Variants in MSI2 observed in about 807,000 individuals in gnomAD.
MSI2 encodes the protein musashi RNA binding protein 2.
In MSI2, 17 loss-of-function variants were observed where a neutral mutation model predicts 45.6. That is an observed-to-expected ratio of 0.37 (90% CI 0.26 to 0.56). The LOEUF is 0.56. Ranked by LOEUF, MSI2 falls within the 20% of genes least tolerant of loss-of-function variation. The pLI is 0.77. For synonymous variants in MSI2, 156 were observed against 158.2 expected (o/e 0.99, Z 0.11); for missense variants, 293 against 444.2 (o/e 0.66, Z 3.06).
At chr17:57,364,906 T>C (rs1228431162) in intron 5 of MSI2, 2 of 152,090 alleles carry the variant, frequency 1.3e-5, no homozygotes, top group African/African-American at 2.4e-5. Flanking sequence ...ATTTTTTTTT[T>C]CTTTTTCCTT....
At chr17:57,417,688 C>T (rs9892749) in intron 6 of MSI2, among the ~76,000 whole-genome samples, 22,769 of 152,102 alleles carry the variant, frequency 0.15, 2,210 homozygotes, top group African/African-American at 0.27. Context: ...TCATTATTGC[C>T]TCCCGGATGT....
At chr17:57,427,047 T>C (rs2084505980) in intron 6 of MSI2, among the ~76,000 whole-genome samples, 1 of 152,246 alleles carries the variant, frequency 6.6e-6, no homozygotes, top group South Asian at 2.1e-4. Context: ...GTTGAATTGC[T>C]TCGAAGGTTT....
chr17:57,295,911 C>G (rs577045558), intron 5 of MSI2, among the ~76,000 whole-genome samples: 1 of 146,058 alleles, frequency 6.8e-6, no homozygotes, highest in Non-Finnish European at 1.5e-5. Context: ...TTTCTTTGAA[C>G]TGGTCTTTCT....
At position 57,416,646 on chromosome 17, in the gene MSI2, C is replaced by CT. The variant is rs563155466; in HGVS notation, c.405+15180dup. ...AAGAGCGTCTCAGTTTGTTGTTGCC[C>CT]TTTTTGGGGGTGCTTATGCTGGTTT... On this transcript the variant is annotated intron_variant, in intron 6 of 13. Transcript: ENST00000284073. Among the ~76,000 whole-genome samples, 1,187 of 152,224 alleles carry CT rather than the reference C, an allele frequency of 7.8e-3. 7 individuals carry two copies. Among genetic ancestry groups the CT allele is most frequent in the Non-Finnish European group, 0.012 (849 of 68,020 alleles).
intron 5 of MSI2, among the ~76,000 whole-genome samples, chr17:57,361,606 C>CAAAAA (rs34432170): frequency 1.4e-5 from 1 of 71,774 alleles, no homozygotes; most frequent in African/African-American, 4.5e-5. Context: ...GACCTTGTCT[C>CAAAAA]AAAAAAAAAA....
chr17:57,609,463 C>G (rs1478535671), intron 8 of MSI2, among the ~76,000 whole-genome samples: 1 of 152,222 alleles, frequency 6.6e-6, no homozygotes, highest in Non-Finnish European at 1.5e-5. Flanking sequence ...TCAGACACGA[C>G]CTGTTTGGAG....
intron 5 of MSI2, among the ~76,000 whole-genome samples, chr17:57,343,082 G>A (rs1915306208): frequency 1.2e-4 from 19 of 152,190 alleles, no homozygotes; most frequent in Admixed American, 1.2e-3. Context: ...GGGTCATGAT[G>A]ACTTCTCTCA....
At chr17:57,489,067 C>T (rs1027814549) in intron 6 of MSI2, among the ~76,000 whole-genome samples, 1 of 152,140 alleles carries the variant, frequency 6.6e-6, no homozygotes, top group Non-Finnish European at 1.5e-5. Context: ...TCATCAGAGT[C>T]ATTAAGGGTC....
Position 57,256,797 on chromosome 17 carries a change from G to C in MSI2, c.55G>C (p.Asp19His). Residue 19 changes from aspartate to histidine, a missense_variant, in exon 1 of 14, where the codon GAC becomes CAC. Transcript: ENST00000284073. ...TSGSANDSQHDPGKMFIGGLS... is the reference protein window; with the variant it reads ...TSGSANDSQHHPGKMFIGGLS... Reference sequence around the variant, plus strand: ...GGGCAGCGCCAACGACTCCCAGCACGACCCCGGGTAAGTTTCCAGCCGCTG... The same window carrying C: ...GGGCAGCGCCAACGACTCCCAGCACCACCCCGGGTAAGTTTCCAGCCGCTG... 1 of 1,474,040 alleles carries C rather than the reference G, an allele frequency of 6.8e-7. No individual in the cohort carries two copies. The highest frequency in any genetic ancestry group is 9.0e-7 in the Non-Finnish European group (1 of 1,114,598). 91.3% of individuals were successfully genotyped at this position (1,474,040 alleles called of 1,614,324 possible). A position where few individuals can be genotyped will look rare whatever the true frequency, so the allele number is the denominator to read the frequency against.
At chr17:57,272,448 G>C (rs757497388) in intron 5 of MSI2, among the ~76,000 whole-genome samples, 1 of 152,128 alleles carries the variant, frequency 6.6e-6, no homozygotes, top group Non-Finnish European at 1.5e-5. Context: ...TCCAGGGAGA[G>C]GGGAAAAGAA....
chr17:57,549,437 G>A (rs2087253607), intron 7 of MSI2, among the ~76,000 whole-genome samples: 1 of 151,284 alleles, frequency 6.6e-6, no homozygotes, highest in African/African-American at 2.4e-5. Context: ...TTCCATTTCC[G>A]GTAGTTGCTC....
At chr17:57,466,778 T>C (rs1187035426) in intron 6 of MSI2, among the ~76,000 whole-genome samples, 1 of 58,140 alleles carries the variant, frequency 1.7e-5, no homozygotes, top group Non-Finnish European at 3.7e-5. Context: ...CATCCCCTCT[T>C]TTCTTTATTG....
intron 5 of MSI2, among the ~76,000 whole-genome samples, chr17:57,329,405 A>G (rs1914071207): frequency 6.6e-6 from 1 of 152,222 alleles, no homozygotes; most frequent in African/African-American, 2.4e-5. Flanking sequence ...GTTCAACAGT[A>G]AATTATTTGA....
In MSI2 at chr17:57,574,072, C is replaced by A. The variant is rs544545108; in HGVS notation, c.455-22796C>A. On this transcript the variant is annotated intron_variant, in intron 7 of 13. Transcript: ENST00000284073. ...CAGGAGGTAGCTCTACCCCTCCCTC[C>A]CTGGGCTAGGATTTGTCAGTCCCAG... Among the ~76,000 whole-genome samples, 3 of 152,262 alleles carry A rather than the reference C, an allele frequency of 2.0e-5. No individual in the cohort carries two copies. The South Asian group carries it at 6.2e-4, about 32-fold the overall frequency.
intron 8 of MSI2, among the ~76,000 whole-genome samples, chr17:57,614,032 T>C (rs2144551669): frequency 6.6e-6 from 1 of 152,264 alleles, no homozygotes; most frequent in Non-Finnish European, 1.5e-5. Context: ...TAGAGGTTCC[T>C]TTTTTATTTT....
chr17:57,472,669 G>A (rs1003458292), intron 6 of MSI2, among the ~76,000 whole-genome samples: 2 of 152,154 alleles, frequency 1.3e-5, no homozygotes, highest in Non-Finnish European at 2.9e-5. Flanking sequence ...TGATACTAGT[G>A]GTAATAATAA....
intron 6 of MSI2, among the ~76,000 whole-genome samples, chr17:57,454,121 C>T (rs1309459978): frequency 6.6e-6 from 1 of 152,226 alleles, no homozygotes; most frequent in African/African-American, 2.4e-5. Flanking sequence ...AGAGGACTGG[C>T]TCGCTCCAGG....
intron 5 of MSI2, among the ~76,000 whole-genome samples, chr17:57,302,102 GA>G: frequency 6.6e-6 from 1 of 152,184 alleles, no homozygotes; most frequent in East Asian, 1.9e-4. Flanking sequence ...GCTTATTATT[GA>G]TGGACTAACT....
At chr17:57,260,026 T>C (rs1216310705) in intron 4 of MSI2, 5 of 152,346 alleles carry the variant, frequency 3.3e-5, no homozygotes, top group Non-Finnish European at 5.9e-5. Flanking sequence ...GAGGATCTTG[T>C]TTACTGTTAC....
Sources: gnomAD v4.1 joint callset for allele counts (sites outside exome capture counted in the v4.1 genomes callset) on GRCh38, gnomAD v4.1.1 for gene constraint, MANE v1.5 for transcripts, NCBI Gene and HGNC (gene_info 2026-07-23, HGNC 2026-07-21) for gene names.